TSPYL4: variants seen among roughly 807,000 people sequenced by gnomAD.
TSPYL4 encodes the protein TSPY like 4.
A neutral mutation model predicts 24.2 loss-of-function variants in TSPYL4; 22 were observed. The observed-to-expected ratio is 0.91, with a 90% confidence interval of 0.65 to 1.30. The LOEUF is 1.30. TSPYL4 is among the 50% of genes most tolerant of loss of function. The pLI, the probability that TSPYL4 is intolerant of heterozygous loss-of-function variation, is 0.00. For missense variants in TSPYL4, 569 were observed against 536.7 expected (o/e 1.06, Z -0.60); for synonymous variants, 211 against 208.2 (o/e 1.01, Z -0.12).
Position 116,250,346 on chromosome 6 carries a change from A to G in TSPYL4, c.*2418T>C, listed in dbSNP as rs978008158. ...GAATTCTTCATACTGCACAGGACAC[A>G]AATTTGGTATTTTTGCACATGTTGT... On this transcript the variant is annotated 3_prime_UTR_variant, in exon 1 of 1. Coordinates refer to ENST00000420283, the MANE Select transcript of TSPYL4 (RefSeq NM_021648.5). The G allele has an allele frequency of 1.4e-4, 21 of 152,760 alleles. No individual in the cohort carries two copies. Among genetic ancestry groups the G allele is most frequent in the Admixed American group, 5.9e-4 (9 of 15,304 alleles). 9.5% of individuals were successfully genotyped at this position (152,760 alleles called of 1,614,324 possible). A position where few individuals can be genotyped will look rare whatever the true frequency, so the allele number is the denominator to read the frequency against.
Position 116,251,493 on chromosome 6 carries a change from G to C in TSPYL4, c.*1271C>G. 2.7e-6 allele frequency: 1 copy of C among 372,066 alleles called. No individual in the cohort carries two copies. The highest frequency in any genetic ancestry group is 4.7e-6 in the Non-Finnish European group (1 of 210,566). The allele number at this position is 372,066 out of a possible 1,614,324, so 23.0% of individuals were successfully genotyped here. On this transcript the variant is annotated 3_prime_UTR_variant, in exon 1 of 1. Coordinates refer to ENST00000420283, the MANE Select transcript of TSPYL4 (RefSeq NM_021648.5). ...TGGGGTGGAGGAATAAGGGCAATAA[G>C]AGATCTGGAGCCCATTTAATCATAA... is the stretch of plus-strand genomic sequence containing the variant.
At position 116,251,207 on chromosome 6, in the gene TSPYL4, G is replaced by C. The variant is rs536880885; in HGVS notation, c.*1557C>G. 9.5e-5 allele frequency: 38 copies of C among 398,696 alleles called. No homozygotes were observed. Among genetic ancestry groups the C allele is most frequent in the African/African-American group, 7.0e-4 (34 of 48,740 alleles). 24.7% of individuals were successfully genotyped at this position (398,696 alleles called of 1,614,324 possible). ...AAAAAGAATTTCCATCTTTAGAAAA[G>C]TGGAGTGAGGCTAAGTTTTGGTTGC... On this transcript the variant is annotated 3_prime_UTR_variant, in exon 1 of 1. Coordinates refer to ENST00000420283, the MANE Select transcript of TSPYL4 (RefSeq NM_021648.5).
At position 116,252,839 on chromosome 6, in the gene TSPYL4, C is replaced by T. The variant is rs2232473; in HGVS notation, c.1170G>A (p.Gly390=). The change falls in exon 1 of 1, where the codon GGG becomes GGA. Residue 390 remains glycine, a synonymous_variant. Transcript: ENST00000420283. ...NPLQYYLMGE[G]PRRGIRGPPR... is the part of the protein sequence containing the mutation. ...GTGGGCCTCGAATTCCTCTACGGGG[C>T]CCTTCACCCATCAGGTAGTATTGTA... 30,120 of 1,599,442 alleles carry T rather than the reference C, an allele frequency of 0.019. 321 individuals carry two copies. Among genetic ancestry groups the T allele is most frequent in the Non-Finnish European group, 0.022 (25,539 of 1,172,322 alleles).
Position 116,252,757 on chromosome 6 carries a change from A to G in TSPYL4, c.*7T>C. On this transcript the variant is annotated 3_prime_UTR_variant, in exon 1 of 1. Transcript: ENST00000420283. ...AACTTGTGCAGAAGCTTCTCACAGG[A>G]CAGAGATTAGCCAGACTGGAACCTG... 2 of 1,580,876 alleles carry G rather than the reference A, an allele frequency of 1.3e-6. No homozygotes were observed. The highest frequency in any genetic ancestry group is 1.7e-6 in the Non-Finnish European group (2 of 1,162,568).
Position 116,253,206 on chromosome 6 carries a change from A to G in TSPYL4, c.803T>C (p.Ile268Thr), listed in dbSNP as rs767738028. 6 of 1,614,028 alleles carry G rather than the reference A, an allele frequency of 3.7e-6. No individual in the cohort carries two copies. The highest frequency in any genetic ancestry group is 5.1e-6 in the Non-Finnish European group (6 of 1,179,972). The change falls in exon 1 of 1, where the codon ATC (isoleucine) becomes ACC (threonine). Residue 268 changes from isoleucine to threonine, a missense_variant. Physicochemically the swap from Ile to Thr is moderately conservative, Grantham distance 89. Coordinates refer to ENST00000420283, the MANE Select transcript of TSPYL4 (RefSeq NM_021648.5). This position sits in a 1 kb window ranked among gnomAD's most constrained non-coding sequence, Gnocchi z 4.3. ...CAGCATGTCTTCATCTTGGCCACTG[A>G]TCATAGGTGACAGCTGGGGGTGGTT... ...FRNHPQLSPM[I>T]SGQDEDMLRY...
In TSPYL4 at chr6:116,253,877, C is replaced by G. The variant is rs1210882865; in HGVS notation, c.132G>C (p.Gln44His). 1.2e-6 allele frequency: 2 copies of G among 1,613,786 alleles called. No homozygotes were observed. The highest frequency in any genetic ancestry group is 1.3e-5 in the African/African-American group (1 of 74,942). ...QGLREETEAT[Q>H]VMANTGGGSL... ...TGCCCCCACCTGTGTTCGCCATCAC[C>G]TGTGTCGCCTCGGTTTCTTCACGGA... The change falls in exon 1 of 1, where the codon CAG becomes CAC. Residue 44 changes from glutamine (Q) to histidine (H), a missense_variant. By Grantham distance (24) the Gln-to-His change is conservative (BLOSUM62 0). Transcript: ENST00000420283. This position sits in a 1 kb window ranked among gnomAD's most constrained non-coding sequence, Gnocchi z 4.3.
rs760466223 is a variant in TSPYL4, at chr6:116,253,049, A to G, written c.960T>C (p.Ser320=). ...GAGTGGAAAGAGACACCACCCGGCCAGAGGATCTGCGTTCATATTCCTTGA... is the reference window on the plus strand; with the variant it reads ...GAGTGGAAAGAGACACCACCCGGCCGGAGGATCTGCGTTCATATTCCTTGA... ...GLVKEYERRS[S]GRVVSLSTPI... The change falls in exon 1 of 1, where the codon TCT becomes TCC. Residue 320 remains serine, a synonymous_variant. Coordinates refer to ENST00000420283, the MANE Select transcript of TSPYL4 (RefSeq NM_021648.5). The surrounding 1 kb of genome is among the most constrained non-coding windows in gnomAD (Gnocchi z 4.3). 1.9e-6 allele frequency: 3 copies of G among 1,614,160 alleles called. No homozygotes were observed. Among genetic ancestry groups the G allele is most frequent in the Non-Finnish European group, 2.5e-6 (3 of 1,180,024 alleles).
chr6:116,250,006 G>A lies in TSPYL4; in HGVS notation c.*2758C>T, dbSNP rs1240699406. The A allele has an allele frequency of 1.3e-5, 2 of 151,818 alleles. No homozygotes were observed. The allele number at this position is 151,818 out of a possible 1,614,324, so 9.4% of individuals were successfully genotyped here. ...ATTTTTTGATGAAAACAAGAAATAC[G>A]GTAGTGACACTTTATTTTTCCTTCA... On this transcript the variant is annotated 3_prime_UTR_variant, in exon 1 of 1. Coordinates refer to ENST00000420283, the MANE Select transcript of TSPYL4 (RefSeq NM_021648.5).
Position 116,253,044 on chromosome 6 carries a change from C to G in TSPYL4, c.965G>C (p.Arg322Pro), listed in dbSNP as rs775240338. Residue 322 changes from arginine to proline, a missense_variant, in exon 1 of 1, where the codon CGG (arginine) becomes CCG (proline). Coordinates refer to ENST00000420283, the MANE Select transcript of TSPYL4 (RefSeq NM_021648.5). This position sits in a 1 kb window ranked among gnomAD's most constrained non-coding sequence, Gnocchi z 4.3. ...VKEYERRSSG[R>P]VVSLSTPIRW... The stretch of plus-strand genomic sequence containing the variant: ...GATTGGAGTGGAAAGAGACACCACC[C>G]GGCCAGAGGATCTGCGTTCATATTC... 5 of 1,614,124 alleles carry G rather than the reference C, an allele frequency of 3.1e-6. No individual in the cohort carries two copies. Among genetic ancestry groups the G allele is most frequent in the South Asian group, 2.2e-5 (2 of 91,076 alleles).
chr6:116,253,740 T>G lies in TSPYL4; in HGVS notation c.269A>C (p.Gln90Pro). The change falls in exon 1 of 1, where the codon CAG becomes CCG. Residue 90 changes from glutamine to proline, a missense_variant. By Grantham distance (76) the Gln-to-Pro change is moderately conservative (BLOSUM62 -1). Coordinates refer to ENST00000420283, the MANE Select transcript of TSPYL4 (RefSeq NM_021648.5). This position sits in a 1 kb window ranked among gnomAD's most constrained non-coding sequence, Gnocchi z 4.3. The part of the protein sequence containing the change: ...SRGGAATKAG[Q>P]EDAPPSTKGL... Reference sequence around the variant, plus strand: ...TTTCGTAGAAGGTGGAGCATCCTCCTGCCCGGCTTTGGTCGCTGCACCGCC... The same window carrying G: ...TTTCGTAGAAGGTGGAGCATCCTCCGGCCCGGCTTTGGTCGCTGCACCGCC... 1.3e-6 allele frequency: 2 copies of G among 1,586,704 alleles called. No individual in the cohort carries two copies. The highest frequency in any genetic ancestry group is 1.7e-6 in the Non-Finnish European group (2 of 1,165,296).
rs1479734568 is a variant in TSPYL4 at position 116,253,671 on chromosome 6, T to C, written c.338A>G (p.Gln113Arg). ...ASAAEAADSS[Q>R]KNGCQLGEPR... ...CTCTCCAAGCTGACAGCCATTTTTC[T>C]GGCTGCTGTCAGCAGCCTCGGCGGC... The change falls in exon 1 of 1, where the codon CAG becomes CGG. Residue 113 changes from glutamine to arginine, a missense_variant. Physicochemically the swap from Gln to Arg is conservative, Grantham distance 43. Transcript: ENST00000420283. The surrounding 1 kb of genome is among the most constrained non-coding windows in gnomAD (Gnocchi z 4.3). 12 of 1,557,052 alleles carry C rather than the reference T, an allele frequency of 7.7e-6. No homozygotes were observed. Among genetic ancestry groups the C allele is most frequent in the South Asian group, 1.2e-5 (1 of 84,796 alleles).
In TSPYL4 at chr6:116,251,635, T is replaced by TGGGAGG. The variant is rs1205452690; in HGVS notation, c.*1123_*1128dup. 13 of 59,408 alleles carry TGGGAGG rather than the reference T, an allele frequency of 2.2e-4. No individual in the cohort carries two copies. In the East Asian group the frequency reaches 6.6e-3, roughly 30 times the overall value. The allele number at this position is 59,408 out of a possible 1,614,324, so 3.7% of individuals were successfully genotyped here. On this transcript the variant is annotated 3_prime_UTR_variant, in exon 1 of 1. Coordinates refer to ENST00000420283, the MANE Select transcript of TSPYL4 (RefSeq NM_021648.5). ...TCAGAGTGAAAGGGAAGAAAAGGGA[T>TGGGAGG]GGGAGGGAGAGGGGGAGGGAGAGGG...
In TSPYL4 at chr6:116,252,422, T is replaced by C. The variant is rs1354416574; in HGVS notation, c.*342A>G. ...TCTTTGTGGTACAGAACCACTTAAA[T>C]TGGGAGAAGAGCATGGTCACAGATA... On this transcript the variant is annotated 3_prime_UTR_variant, in exon 1 of 1. Transcript: ENST00000420283. 4.9e-5 allele frequency: 12 copies of C among 242,488 alleles called. No homozygotes were observed. The highest frequency in any genetic ancestry group is 4.9e-5 in the Admixed American group (1 of 20,420). The allele number at this position is 242,488 out of a possible 1,614,324, so 15.0% of individuals were successfully genotyped here.
rs754011670 is a variant in TSPYL4 at position 116,251,412 on chromosome 6, C to G, written c.*1352G>C. The G allele has an allele frequency of 3.8e-5, 15 of 395,078 alleles. No homozygotes were observed. The highest frequency in any genetic ancestry group is 6.2e-5 in the Non-Finnish European group (14 of 224,524). 24.5% of individuals were successfully genotyped at this position (395,078 alleles called of 1,614,324 possible). On this transcript the variant is annotated 3_prime_UTR_variant, in exon 1 of 1. Transcript: ENST00000420283. ...CTGCCTAATTTAACACTGCCTATAA[C>G]TAAACAATTAACCTATAGGTCTCCC...
chr6:116,250,939 AT>A lies in TSPYL4; in HGVS notation c.*1824del. 2.8e-6 allele frequency: 1 copy of A among 360,218 alleles called. No homozygotes were observed. The highest frequency in any genetic ancestry group is 4.9e-6 in the Non-Finnish European group (1 of 202,668). The allele number at this position is 360,218 out of a possible 1,614,324, so 22.3% of individuals were successfully genotyped here. A position where few individuals can be genotyped will look rare whatever the true frequency, so the allele number is the denominator to read the frequency against. On this transcript the variant is annotated 3_prime_UTR_variant, in exon 1 of 1. Coordinates refer to ENST00000420283, the MANE Select transcript of TSPYL4 (RefSeq NM_021648.5). ...CACCTACTGGAACTTGTCCGTGAAA[AT>A]CCACACAGATGCTGCACATCCCCTT...
rs775985772 is a variant in TSPYL4, at chr6:116,253,990, C to G, written c.19G>C (p.Gly7Arg). Residue 7 changes from glycine to arginine, a missense_variant, in exon 1 of 1, where the codon GGC becomes CGC. Gly to Arg is a moderately radical substitution (Grantham distance 125, BLOSUM62 -2). Coordinates refer to ENST00000420283, the MANE Select transcript of TSPYL4 (RefSeq NM_021648.5). This position sits in a 1 kb window ranked among gnomAD's most constrained non-coding sequence, Gnocchi z 4.3. ...GTTTGGGCGAGAGGGAGCTTGTTGC[C>G]CCCATCCAGGCCGCTCATTTTGGAA... MSGLDG[G>R]NKLPLAQTGG... 1 of 1,587,410 alleles carries G rather than the reference C, an allele frequency of 6.3e-7. No individual in the cohort carries two copies. Among genetic ancestry groups the G allele is most frequent in the Non-Finnish European group, 8.6e-7 (1 of 1,166,356 alleles).
At position 116,254,015 on chromosome 6, in the gene TSPYL4, A is replaced by G. The variant is rs766150650; in HGVS notation, c.-7T>C. 1 of 1,561,758 alleles carries G rather than the reference A, an allele frequency of 6.4e-7. No homozygotes were observed. Among genetic ancestry groups the G allele is most frequent in the South Asian group, 1.2e-5 (1 of 83,272 alleles). On this transcript the variant is annotated 5_prime_UTR_variant, in exon 1 of 1. Transcript: ENST00000420283. ...CCCCATCCAGGCCGCTCATTTTGGA[A>G]GAAGTCAGACTAGTGGGAGAGGGAG... is the stretch of plus-strand genomic sequence containing the variant.
rs1345633253 is a variant in TSPYL4 at position 116,251,082 on chromosome 6, CAGT to C, written c.*1679_*1681del. Reference sequence around the variant, plus strand: ...AGAAATGAGGGCCAAGAAAGCCAGGCAGTAGGATGGAGACCCAAGGGACATCAG... The same window carrying C: ...AGAAATGAGGGCCAAGAAAGCCAGGCAGGATGGAGACCCAAGGGACATCAG... On this transcript the variant is annotated 3_prime_UTR_variant, in exon 1 of 1. Transcript: ENST00000420283. 1 of 397,598 alleles carries C rather than the reference CAGT, an allele frequency of 2.5e-6. No individual in the cohort carries two copies. Among genetic ancestry groups the C allele is most frequent in the Non-Finnish European group, 4.4e-6 (1 of 225,782 alleles). 24.6% of individuals were successfully genotyped at this position (397,598 alleles called of 1,614,324 possible). A position where few individuals can be genotyped will look rare whatever the true frequency, so the allele number is the denominator to read the frequency against.
At position 116,252,555 on chromosome 6, in the gene TSPYL4, T is replaced by C. The variant is rs1455448881; in HGVS notation, c.*209A>G. On this transcript the variant is annotated 3_prime_UTR_variant, in exon 1 of 1. Transcript: ENST00000420283. ...ATGCACTTGAAACATGTTAACACAATGCAGAAAAGCATGAAGGCCCAGAGG... is the reference window on the plus strand; with the variant it reads ...ATGCACTTGAAACATGTTAACACAACGCAGAAAAGCATGAAGGCCCAGAGG... 1 of 611,848 alleles carries C rather than the reference T, an allele frequency of 1.6e-6. No homozygotes were observed. The highest frequency in any genetic ancestry group is 2.8e-6 in the Non-Finnish European group (1 of 357,432). The allele number at this position is 611,848 out of a possible 1,614,324, so 37.9% of individuals were successfully genotyped here.
Sources: gnomAD v4.1 joint callset for allele counts on GRCh38, gnomAD v4.1.1 for gene constraint, Gnocchi (gnomAD v3.1) non-coding constraint, MANE v1.5 for transcripts, NCBI Gene and HGNC (gene_info 2026-07-23, HGNC 2026-07-21) for gene names.